ZMAT4: variants seen among roughly 807,000 people sequenced by gnomAD.
ZMAT4 encodes zinc finger matrin-type protein 4.
In ZMAT4, 17 loss-of-function variants were observed where a neutral mutation model predicts 28.7. That is an observed-to-expected ratio of 0.59 (90% CI 0.41 to 0.89). The LOEUF is 0.89. Among genes scored for constraint, ZMAT4 ranks in the 40% least tolerant of loss-of-function variants. The pLI is 0.00. For synonymous variants in ZMAT4, 117 were observed against 109.2 expected (o/e 1.07, Z -0.44); for missense variants, 240 against 283.8 (o/e 0.85, Z 1.11).
intron 3 of ZMAT4, among the ~76,000 whole-genome samples, chr8:40,758,725 T>C (rs1209511266): frequency 6.6e-6 from 1 of 152,140 alleles, no homozygotes; most frequent in African/African-American, 2.4e-5. Context: ...TGGGAATAAA[T>C]AGGATTTTGA....
chr8:40,660,389 T>C (rs765687957), intron 5 of ZMAT4, among the ~76,000 whole-genome samples: 1 of 152,236 alleles, frequency 6.6e-6, no homozygotes, highest in Non-Finnish European at 1.5e-5. Flanking sequence ...AAAGCATCCT[T>C]CAAATAATGT....
chr8:40,720,852 T>G (rs1334451693), intron 3 of ZMAT4, among the ~76,000 whole-genome samples: 1 of 151,794 alleles, frequency 6.6e-6, no homozygotes, highest in Non-Finnish European at 1.5e-5. Flanking sequence ...AAGCCCTGTT[T>G]CCTTTTAGCA....
At chr8:40,560,554 G>A (rs1302612695) in intron 6 of ZMAT4, among the ~76,000 whole-genome samples, 3 of 151,756 alleles carry the variant, frequency 2.0e-5, no homozygotes, top group African/African-American at 7.3e-5. Flanking sequence ...GATTCAAAAT[G>A]GAGTCACTTG....
At chr8:40,627,792 A>C (rs1289262866) in intron 5 of ZMAT4, among the ~76,000 whole-genome samples, 1 of 152,194 alleles carries the variant, frequency 6.6e-6, no homozygotes, top group Non-Finnish European at 1.5e-5. Context: ...GTATATTAAT[A>C]AGGCTTTCCA....
intron 3 of ZMAT4, among the ~76,000 whole-genome samples, chr8:40,759,115 C>G (rs534216724): frequency 6.6e-6 from 1 of 152,000 alleles, no homozygotes; most frequent in Non-Finnish European, 1.5e-5. Flanking sequence ...AACCCCGTCT[C>G]TACTAAAATT....
chr8:40,617,718 G>T (rs1232712839), intron 5 of ZMAT4, among the ~76,000 whole-genome samples: 1 of 152,126 alleles, frequency 6.6e-6, no homozygotes, highest in African/African-American at 2.4e-5. Context: ...TTGAAGCAGG[G>T]TCCCTGCATC....
chr8:40,870,975 C>A (rs537182138), intron 1 of ZMAT4, among the ~76,000 whole-genome samples: 1 of 152,246 alleles, frequency 6.6e-6, no homozygotes, highest in South Asian at 2.1e-4. Flanking sequence ...CTCTCTTTAC[C>A]AGCTCCCTTA....
At chr8:40,561,514 G>A (rs1331983184) in intron 6 of ZMAT4, among the ~76,000 whole-genome samples, 1 of 152,046 alleles carries the variant, frequency 6.6e-6, no homozygotes, top group Admixed American at 6.6e-5. Flanking sequence ...AACTAACTCG[G>A]GTTTCAGTCT....
chr8:40,787,241 G>A (rs865928579), intron 2 of ZMAT4, among the ~76,000 whole-genome samples: 10 of 152,116 alleles, frequency 6.6e-5, no homozygotes, highest in East Asian at 5.8e-4. Context: ...AGAACAGTAC[G>A]GCAGTCTTCT....
At chr8:40,649,346 A>C (rs1807516814) in intron 5 of ZMAT4, among the ~76,000 whole-genome samples, 1 of 152,192 alleles carries the variant, frequency 6.6e-6, no homozygotes, top group Admixed American at 6.5e-5. Flanking sequence ...ACATAATGGT[A>C]AAGGGATCAA....
intron 1 of ZMAT4, among the ~76,000 whole-genome samples, chr8:40,881,772 G>A (rs1044399970): frequency 2.0e-5 from 3 of 152,152 alleles, no homozygotes; most frequent in Middle Eastern, 3.4e-3. Context: ...GAGGTGCAGC[G>A]CGAAGTTGAT....
intron 1 of ZMAT4, among the ~76,000 whole-genome samples, chr8:40,888,057 C>T (rs1273730210): frequency 6.6e-6 from 1 of 152,186 alleles, no homozygotes; most frequent in Non-Finnish European, 1.5e-5. Context: ...TGTTCACCCT[C>T]AGCACTATCC....
At chr8:40,710,220 C>T (rs1810545104) in intron 3 of ZMAT4, among the ~76,000 whole-genome samples, 1 of 152,064 alleles carries the variant, frequency 6.6e-6, no homozygotes, top group Admixed American at 6.5e-5. Context: ...AGAATATGTG[C>T]TGCAATAAAG....
In ZMAT4 at chr8:40,581,251, G is replaced by A. The variant is rs565495613; in HGVS notation, c.588C>T (p.Arg196=). The A allele has an allele frequency of 1.4e-5, 23 of 1,613,068 alleles. No individual in the cohort carries two copies. The highest frequency in any genetic ancestry group is 8.8e-5 in the South Asian group (8 of 91,066). The change falls in exon 6 of 7, where the codon CGC becomes CGT. Residue 196 remains arginine, a synonymous_variant. Transcript: ENST00000297737. ...CACTGCAGATGGTACATCTGTAATT[G>A]CGCCTCAGACCTGTGGACAACAGAC... ...LDMGELRGLR[R]NYRCTICSVS...
At chr8:40,612,805 G>GTTTTTTTT (rs1491257030) in intron 5 of ZMAT4, among the ~76,000 whole-genome samples, 7 of 93,642 alleles carry the variant, frequency 7.5e-5, no homozygotes, top group East Asian at 2.1e-4. Flanking sequence ...CTGTATTTTG[G>GTTTTTTTT]TTTTTGTTTT....
At chr8:40,678,995 C>CA in intron 4 of ZMAT4, among the ~76,000 whole-genome samples, 1 of 152,212 alleles carries the variant, frequency 6.6e-6, no homozygotes, top group Non-Finnish European at 1.5e-5. Flanking sequence ...TTCTGATTTG[C>CA]AAAATACAAT....
intron 2 of ZMAT4, among the ~76,000 whole-genome samples, chr8:40,789,004 G>A (rs1814207145): frequency 8.7e-6 from 1 of 114,580 alleles, no homozygotes; most frequent in African/African-American, 3.3e-5. Context: ...AGGGAGGGAG[G>A]AAGGAAAAGA....
intron 2 of ZMAT4, among the ~76,000 whole-genome samples, chr8:40,794,934 C>T (rs1028831988): frequency 6.6e-6 from 1 of 152,064 alleles, no homozygotes; most frequent in Non-Finnish European, 1.5e-5. Flanking sequence ...ATTTTCCTGA[C>T]AGCAGAGGAG....
rs374192706 is a variant in ZMAT4 at position 40,700,355 on chromosome 8, G to A, written c.193-2954C>T. Among the ~76,000 whole-genome samples the A allele has an allele frequency of 1.3e-3, 187 of 147,810 alleles. 9 individuals carry two copies. The South Asian group carries it at 0.037, about 29-fold the overall frequency. On this transcript the variant is annotated intron_variant, in intron 3 of 6. Transcript: ENST00000297737. ...GAATCACTTCGTGTCTAATTCAGTCGTACCAGAATCTGTCTTCCTGGCTCA... is the reference window on the plus strand; with the variant it reads ...GAATCACTTCGTGTCTAATTCAGTCATACCAGAATCTGTCTTCCTGGCTCA...
Sources: gnomAD v4.1 joint callset for allele counts (sites outside exome capture counted in the v4.1 genomes callset) on GRCh38, gnomAD v4.1.1 for gene constraint, MANE v1.5 for transcripts, NCBI Gene and HGNC (gene_info 2026-07-23, HGNC 2026-07-21) for gene names.